GPD1L: variants seen among roughly 807,000 people sequenced by gnomAD.
The protein encoded by GPD1L is glycerol-3-phosphate dehydrogenase 1 like.
A neutral mutation model predicts 32.9 loss-of-function variants in GPD1L; 17 were observed. That is an observed-to-expected ratio of 0.52 (90% CI 0.35 to 0.78). GPD1L has a LOEUF of 0.78. Ranked by LOEUF, GPD1L falls within the 30% of genes least tolerant of loss-of-function variation. GPD1L has a pLI of 0.01. For synonymous variants in GPD1L, 187 were observed against 165.9 expected (o/e 1.13, Z -0.98); for missense variants, 361 against 447.8 (o/e 0.81, Z 1.75).
In GPD1L at chr3:32,166,240, C is replaced by T. The variant is rs6775309; in HGVS notation, c.*330C>T. On this transcript the variant is annotated 3_prime_UTR_variant, in exon 8 of 8. Coordinates refer to ENST00000282541, the MANE Select transcript of GPD1L (RefSeq NM_015141.4). Reference sequence around the variant, plus strand: ...CTTATAAGATTGGAACGATCTCAGCCAAATATTTTAGGTGTAATTCATATG... The same window carrying T: ...CTTATAAGATTGGAACGATCTCAGCTAAATATTTTAGGTGTAATTCATATG... 131,518 of 356,910 alleles carry T rather than the reference C, an allele frequency of 0.37. 26,409 individuals carry two copies. The highest frequency in any genetic ancestry group is 0.6 in the East Asian group (8,448 of 14,086). 22.1% of individuals were successfully genotyped at this position (356,910 alleles called of 1,614,324 possible).
chr3:32,145,332 A>T (rs201033853), intron 4 of GPD1L, among the ~76,000 whole-genome samples: 1 of 151,958 alleles, frequency 6.6e-6, no homozygotes, highest in African/African-American at 2.4e-5. Context: ...TAAATAAATA[A>T]AGTTACTACC....
intron 2 of GPD1L, among the ~76,000 whole-genome samples, chr3:32,128,742 A>G (rs1700547662): frequency 6.6e-6 from 1 of 152,214 alleles, no homozygotes; most frequent in African/African-American, 2.4e-5. Flanking sequence ...TACAGCCCAT[A>G]ACAGGTTTCC....
rs1485493592 is a variant in GPD1L, at chr3:32,121,561, C to CTA, written c.48-6513_48-6512dup. Among the ~76,000 whole-genome samples, 174 of 125,674 alleles carry CTA rather than the reference C, an allele frequency of 1.4e-3. 27 individuals carry two copies. Among genetic ancestry groups the CTA allele is most frequent in the African/African-American group, 5.5e-3 (165 of 30,134 alleles). 82.4% of individuals were successfully genotyped at this position (125,674 alleles called of 152,430 possible). A position where few individuals can be genotyped will look rare whatever the true frequency, so the allele number is the denominator to read the frequency against. The stretch of plus-strand genomic sequence containing the variant: ...TGTATATATTTCTATATATATATTT[C>CTA]TATGTATATATTTCTATATATATAT... On this transcript the variant is annotated intron_variant, in intron 1 of 7. Transcript: ENST00000282541.
rs1700728375 is a variant in GPD1L at position 32,140,483 on chromosome 3, T to C, written c.505+117T>C. 10 of 1,218,598 alleles carry C rather than the reference T, an allele frequency of 8.2e-6. 1 individual carries two copies. The South Asian group carries it at 1.2e-4, about 15-fold the overall frequency. The allele number at this position is 1,218,598 out of a possible 1,614,324, so 75.5% of individuals were successfully genotyped here. On this transcript the variant is annotated intron_variant, in intron 4 of 7. Transcript: ENST00000282541. ...CTTCCCTGTCCCTCTTAACATTCCT[T>C]AGTTGGGCATTCAGTGGGGCGAGGG...
intron 5 of GPD1L, 178 bp from the exon 6 acceptor site, chr3:32,158,698 C>T: frequency 7.2e-7 from 1 of 1,391,202 alleles, no homozygotes; most frequent in African/African-American, 1.4e-5. Flanking sequence ...GAAGCCCTGT[C>T]TCTCCTTTCG....
chr3:32,149,526 A>G (rs1370443157), intron 5 of GPD1L, among the ~76,000 whole-genome samples: 1 of 152,246 alleles, frequency 6.6e-6, no homozygotes, highest in Non-Finnish European at 1.5e-5. Context: ...AGAAAATTCA[A>G]AGGATTTATG....
chr3:32,128,039 G>A, intron 1 of GPD1L, 37 bp from the exon 2 acceptor site: 1 of 1,437,214 alleles, frequency 7.0e-7, no homozygotes, highest in African/African-American at 1.4e-5. Context: ...CCGCCCAAGT[G>A]AGTTTATGTT....
chr3:32,134,737 C>CT (rs1472343997), intron 2 of GPD1L, among the ~76,000 whole-genome samples: 2 of 152,228 alleles, frequency 1.3e-5, no homozygotes, highest in African/African-American at 4.8e-5. Context: ...GTCCTCCCAC[C>CT]TCAGCCTCCC....
At chr3:32,107,014 G>A (rs1700174478) in intron 1 of GPD1L, among the ~76,000 whole-genome samples, 1 of 152,230 alleles carries the variant, frequency 6.6e-6, no homozygotes, top group East Asian at 1.9e-4. Context: ...GCGGGCACCT[G>A]TCTGCGCCCC....
chr3:32,159,526 T>C, intron 6 of GPD1L, 42 bp from the exon 7 acceptor site: 1 of 1,148,254 alleles, frequency 8.7e-7, no homozygotes, highest in South Asian at 1.3e-5. Flanking sequence ...TTCTTTAGTC[T>C]TTACCATAGT....
chr3:32,155,949 A>G (rs1700982693), intron 5 of GPD1L, among the ~76,000 whole-genome samples: 2 of 152,114 alleles, frequency 1.3e-5, no homozygotes, highest in African/African-American at 4.8e-5. Context: ...TCTGGCTGCT[A>G]TGCTGGGAAG....
At chr3:32,165,387 T>TTTGTGGTGATGTGTAGACTGCCTCA (rs11276494) in intron 7 of GPD1L, among the ~76,000 whole-genome samples, 77,296 of 151,960 alleles carry the variant, frequency 0.51, 20,887 homozygotes, top group African/African-American at 0.69. Context: ...GCCTACATTA[T>TTTGTGGTGATGTGTAGACTGCCTCA]TTGTTACCTT....
At chr3:32,108,666 C>T (rs1216196881) in intron 1 of GPD1L, among the ~76,000 whole-genome samples, 1 of 152,218 alleles carries the variant, frequency 6.6e-6, no homozygotes, top group Non-Finnish European at 1.5e-5. Context: ...GAATTCCATG[C>T]AAGTGAATGC....
chr3:32,122,757 G>T (rs1460337357), intron 1 of GPD1L, among the ~76,000 whole-genome samples: 1 of 152,222 alleles, frequency 6.6e-6, no homozygotes, highest in Non-Finnish European at 1.5e-5. Flanking sequence ...AGGTGAACAT[G>T]ACTGAGTCTC....
At chr3:32,123,247 T>C (rs535230110) in intron 1 of GPD1L, among the ~76,000 whole-genome samples, 1 of 152,148 alleles carries the variant, frequency 6.6e-6, no homozygotes, top group African/African-American at 2.4e-5. Context: ...ATAGTAAATA[T>C]CACAAGTAGA....
intron 2 of GPD1L, among the ~76,000 whole-genome samples, chr3:32,134,003 T>C (rs1183340763): frequency 6.6e-6 from 1 of 152,246 alleles, no homozygotes; most frequent in East Asian, 1.9e-4. Context: ...TCTGGGTTGT[T>C]TGTCCTACTT....
chr3:32,146,953 A>G (rs1467250227), intron 5 of GPD1L, among the ~76,000 whole-genome samples: 1 of 152,114 alleles, frequency 6.6e-6, no homozygotes, highest in African/African-American at 2.4e-5. Flanking sequence ...ATATGGGGGA[A>G]TTGTGATGTT....
chr3:32,136,129 A>G (rs1478041078), intron 2 of GPD1L, among the ~76,000 whole-genome samples: 1 of 152,168 alleles, frequency 6.6e-6, no homozygotes, highest in African/African-American at 2.4e-5. Context: ...TGATATTAAC[A>G]GGGCCCTGTT....
intron 5 of GPD1L, among the ~76,000 whole-genome samples, chr3:32,152,689 C>T (rs959995171): frequency 4.6e-5 from 7 of 152,084 alleles, no homozygotes; most frequent in Admixed American, 2.6e-4. Context: ...CAGTGGCCAC[C>T]GAATTTCAAC....
Sources: allele counts gnomAD v4.1 joint callset (sites outside exome capture counted in the v4.1 genomes callset), GRCh38; gene constraint gnomAD v4.1.1; transcripts MANE v1.5; gene names NCBI Gene and HGNC (gene_info 2026-07-23, HGNC 2026-07-21).